GPD2: variants seen among roughly 807,000 people sequenced by gnomAD.
GPD2 encodes glycerol-3-phosphate dehydrogenase, mitochondrial.
In GPD2, 54 loss-of-function variants were observed where a neutral mutation model predicts 82.4. The ratio of observed to expected loss-of-function variants is 0.66; its 90% confidence interval spans 0.53 to 0.82. The LOEUF (loss-of-function observed/expected upper bound fraction) is 0.82, where lower values mean the gene tolerates loss of function less well. Among genes scored for constraint, GPD2 ranks in the 40% least tolerant of loss-of-function variants. The probability of loss-of-function intolerance (pLI) is 0.00; values close to 1 mark genes in which losing one functional copy is unlikely to be tolerated. For missense variants in GPD2, 748 were observed against 896.2 expected (o/e 0.83, Z 2.11); for synonymous variants, 288 against 306.1 (o/e 0.94, Z 0.62).
chr2:156,414,057 A>C, the GPD2 span, among the ~76,000 whole-genome samples: 9 of 152,330 alleles, frequency 5.9e-5, no homozygotes, highest in Admixed American at 2.0e-4. Flanking sequence ...CTGCTTAAAT[A>C]ACTTTAAGGT....
intron 8 of GPD2, among the ~76,000 whole-genome samples, chr2:156,556,826 G>T (rs542965955): frequency 6.6e-6 from 1 of 152,284 alleles, no homozygotes; most frequent in East Asian, 1.9e-4. Context: ...CATATTTGGT[G>T]AAGTGGCACA....
intron 1 of GPD2, among the ~76,000 whole-genome samples, chr2:156,455,489 C>A (rs144122482): frequency 1.2e-4 from 18 of 152,332 alleles, no homozygotes; most frequent in African/African-American, 4.3e-4. Context: ...AGTGATTCTT[C>A]TGCCTTGCTC....
intron 12 of GPD2, 51 bp downstream of exon 12, chr2:156,570,269 A>G (rs751474722): frequency 6.5e-7 from 1 of 1,541,726 alleles, no homozygotes; most frequent in Admixed American, 1.7e-5. Flanking sequence ...GATACCATTT[A>G]TCTGTTCATT....
At position 156,542,483 on chromosome 2, in the gene GPD2, A is replaced by G. The variant is rs370153975; in HGVS notation, c.662-7125A>G. On this transcript the variant is annotated intron_variant, in intron 6 of 16. Transcript: ENST00000438166. ...CTTTTATTTTGAGTTTCACCAGTCT[A>G]TACTAGAATACATTTTCTGCCAAAA... is the stretch of plus-strand genomic sequence containing the variant. Among the ~76,000 whole-genome samples, 84 of 152,308 alleles carry G rather than the reference A, an allele frequency of 5.5e-4. 1 individual carries two copies. The highest frequency in any genetic ancestry group is 1.9e-3 in the African/African-American group (78 of 41,586).
Position 156,461,678 on chromosome 2 carries a change from C to G in GPD2, c.-8-14420C>G, listed in dbSNP as rs555600088. Among the ~76,000 whole-genome samples the G allele has an allele frequency of 2.6e-5, 4 of 152,374 alleles. No homozygotes were observed. The East Asian group carries it at 7.7e-4, about 29-fold the overall frequency. ...TACAGGCATGAGCCATCATGTCCAG[C>G]CTACCCCAGTTATCCTCTAACCTAT... On this transcript the variant is annotated intron_variant, in intron 1 of 16. Transcript: ENST00000438166.
chr2:156,575,322 G>T (rs2105372197), intron 13 of GPD2, among the ~76,000 whole-genome samples: 1 of 151,832 alleles, frequency 6.6e-6, no homozygotes, highest in South Asian at 2.1e-4. Flanking sequence ...CATTTATCAA[G>T]AAATAGTGAT....
intron 2 of GPD2, among the ~76,000 whole-genome samples, chr2:156,479,819 C>T (rs1683656395): frequency 6.6e-6 from 1 of 152,096 alleles, no homozygotes; most frequent in Non-Finnish European, 1.5e-5. Context: ...TTCTTGTCCC[C>T]TTTTCTTTAT....
rs1687494102 is a variant in GPD2 at position 156,568,932 on chromosome 2, A to G, written c.1273A>G (p.Ser425Gly). 1 of 1,611,022 alleles carries G rather than the reference A, an allele frequency of 6.2e-7. No individual in the cohort carries two copies. Among genetic ancestry groups the G allele is most frequent in the Non-Finnish European group, 8.5e-7 (1 of 1,177,446 alleles). ...CTCCCGAAATCATGTTGTTGATATCAGTGAGAGTGGCCTTATTACTATAGC... is the reference window on the plus strand; with the variant it reads ...CTCCCGAAATCATGTTGTTGATATCGGTGAGAGTGGCCTTATTACTATAGC... Reference protein sequence around the residue: ...SISRNHVVDISESGLITIAGG... With the variant: ...SISRNHVVDIGESGLITIAGG... Residue 425 changes from serine (S) to glycine (G), a missense_variant, in exon 10 of 17, where the codon AGT (serine) becomes GGT (glycine). This residue lies in a region of GPD2 where 692 missense variants were observed against 809.7 expected (regional missense o/e 0.85). Coordinates refer to ENST00000438166, the MANE Select transcript of GPD2 (RefSeq NM_000408.5).
chr2:156,561,977 T>G (rs1272859199), intron 9 of GPD2, among the ~76,000 whole-genome samples: 1 of 152,236 alleles, frequency 6.6e-6, no homozygotes, highest in Non-Finnish European at 1.5e-5. Context: ...GATTACTTGT[T>G]TGTTCTTTTC....
chr2:156,505,680 C>A lies in GPD2; in HGVS notation c.275-5116C>A, dbSNP rs190382280. ...AGGGAAGATCTCTCCCCAGCCTCCT[C>A]AAATCCATAGTAAGGAGTAGTTTCT... On this transcript the variant is annotated intron_variant, in intron 3 of 16. Coordinates refer to ENST00000438166, the MANE Select transcript of GPD2 (RefSeq NM_000408.5). Among the ~76,000 whole-genome samples the A allele has an allele frequency of 1.6e-4, 24 of 152,296 alleles. No individual in the cohort carries two copies. The East Asian group carries it at 4.4e-3, about 28-fold the overall frequency.
chr2:156,414,456 G>T, the GPD2 span, among the ~76,000 whole-genome samples: 1 of 152,090 alleles, frequency 6.6e-6, no homozygotes, highest in Non-Finnish European at 1.5e-5. Context: ...AGATTAGGTC[G>T]GTTATCTGAA....
chr2:156,513,286 T>A, intron 5 of GPD2, 47 bp from the exon 6 acceptor site: 1 of 1,291,678 alleles, frequency 7.7e-7, no homozygotes, highest in Non-Finnish European at 1.1e-6. Flanking sequence ...TATTCTATAA[T>A]GCTATACTCT....
chr2:156,408,035 G>T, the GPD2 span, among the ~76,000 whole-genome samples: 3 of 132,384 alleles, frequency 2.3e-5, no homozygotes, highest in African/African-American at 8.6e-5. Context: ...GCTCACTGTT[G>T]CCTTGAGGTC....
intron 3 of GPD2, among the ~76,000 whole-genome samples, chr2:156,500,844 T>A (rs1343570877): frequency 6.6e-6 from 1 of 152,226 alleles, no homozygotes; most frequent in African/African-American, 2.4e-5. Flanking sequence ...TTGGGAATAT[T>A]ATTTTATAAA....
intron 1 of GPD2, among the ~76,000 whole-genome samples, chr2:156,446,553 G>C (rs1682376754): frequency 6.6e-6 from 1 of 151,940 alleles, no homozygotes; most frequent in African/African-American, 2.4e-5. Flanking sequence ...TAATGACTTA[G>C]CTGTCCCCTT....
At chr2:156,406,187 C>G in the GPD2 span, among the ~76,000 whole-genome samples, 3 of 152,062 alleles carry the variant, frequency 2.0e-5, no homozygotes, top group African/African-American at 7.2e-5. Context: ...TAAATCATTA[C>G]TTATTCCATT....
intron 3 of GPD2, among the ~76,000 whole-genome samples, chr2:156,496,945 T>C (rs1351205401): frequency 1.5e-5 from 2 of 136,852 alleles, no homozygotes; most frequent in Non-Finnish European, 3.5e-5. Context: ...TAATCTATAG[T>C]TCTGTCTCAG....
At chr2:156,555,245 C>A (rs549439498) in intron 8 of GPD2, among the ~76,000 whole-genome samples, 13 of 152,312 alleles carry the variant, frequency 8.5e-5, no homozygotes, top group African/African-American at 3.1e-4. Flanking sequence ...CATATGTCTT[C>A]ACTTAAGCAG....
chr2:156,417,267 C>T, the GPD2 span, among the ~76,000 whole-genome samples: 2 of 152,106 alleles, frequency 1.3e-5, no homozygotes, highest in Non-Finnish European at 1.5e-5. Flanking sequence ...CTGTTTGGGA[C>T]CACTTTCTGC....
Sources: allele counts gnomAD v4.1 joint callset (sites outside exome capture counted in the v4.1 genomes callset), GRCh38; gene constraint gnomAD v4.1.1; regional missense constraint gnomAD v4.1.1; transcripts MANE v1.5; gene names NCBI Gene and HGNC (gene_info 2026-07-23, HGNC 2026-07-21).